ZNF148: variants seen among roughly 807,000 people sequenced by gnomAD.
ZNF148 encodes the protein zinc finger protein 148, also known as Beta-Enolase Repressor Factor-1.
Under a neutral mutation model 67.7 loss-of-function variants are expected in ZNF148, and 7 were observed. That is an observed-to-expected ratio of 0.10 (90% CI 0.06 to 0.19). The LOEUF (loss-of-function observed/expected upper bound fraction) is 0.19. ZNF148 is among the 10% of genes least tolerant of loss of function. ZNF148 has a pLI of 1.00. For synonymous variants in ZNF148, 333 were observed against 330.7 expected, an observed-to-expected ratio of 1.01 and a Z score of -0.08; for missense variants, 583 against 947.1, an observed-to-expected ratio of 0.62 and a Z score of 5.05.
chr3:125,335,644 C>T (rs529165585), intron 1 of ZNF148, among the ~76,000 whole-genome samples: 60 of 152,280 alleles, frequency 3.9e-4, no homozygotes, highest in Admixed American at 9.1e-4. Context: ...AAAAATAATG[C>T]TAGTAACAAA....
intron 1 of ZNF148, among the ~76,000 whole-genome samples, chr3:125,365,011 A>G (rs920831178): frequency 7.2e-5 from 11 of 152,196 alleles, no homozygotes; most frequent in African/African-American, 2.4e-4. Context: ...CTTGCCTATT[A>G]TCTTATTTAT....
At chr3:125,259,136 T>C (rs1015650261) in intron 7 of ZNF148, among the ~76,000 whole-genome samples, 2 of 151,976 alleles carry the variant, frequency 1.3e-5, no homozygotes, top group Admixed American at 1.3e-4. Flanking sequence ...AAATCACATA[T>C]CCAATAAATG....
intron 1 of ZNF148, among the ~76,000 whole-genome samples, chr3:125,371,377 G>C (rs866663003): frequency 1.1e-5 from 1 of 90,358 alleles, no homozygotes; most frequent in Non-Finnish European, 2.1e-5. Flanking sequence ...AAAAAAGGGG[G>C]GGGGGGGGGC....
At position 125,277,723 on chromosome 3, in the gene ZNF148, C is replaced by T. The variant is rs1401108011; in HGVS notation, c.667+3G>A. On this transcript the variant is annotated splice_donor_region_variant and intron_variant, in intron 7 of 8. Coordinates refer to ENST00000360647, the MANE Select transcript of ZNF148 (RefSeq NM_021964.3). ...GAACCTAGTAAGGGTGGTTAACACT[C>T]ACCAGTATGAATCTTCTCATGTCTC... The T allele has an allele frequency of 6.2e-7, 1 of 1,608,980 alleles. No homozygotes were observed. Among genetic ancestry groups the T allele is most frequent in the Non-Finnish European group, 8.5e-7 (1 of 1,178,154 alleles).
chr3:125,295,097 A>C (rs1579728323), intron 4 of ZNF148, among the ~76,000 whole-genome samples: 1 of 152,340 alleles, frequency 6.6e-6, no homozygotes, highest in South Asian at 2.1e-4. Context: ...TGCTTTCAAA[A>C]TAAGAAAAAA....
At chr3:125,363,694 T>C (rs957742881) in intron 1 of ZNF148, among the ~76,000 whole-genome samples, 3 of 151,922 alleles carry the variant, frequency 2.0e-5, no homozygotes, top group Non-Finnish European at 4.4e-5. Flanking sequence ...TCTCCCTCTG[T>C]CACCCAGGCT....
rs762503937 is a variant in ZNF148, at chr3:125,248,871, G to C, written c.668-14542C>G. 3.9e-5 allele frequency among the ~76,000 whole-genome samples: 6 copies of C among 152,172 alleles called. No homozygotes were observed. The East Asian group carries it at 1.2e-3, about 29-fold the overall frequency. ...TAAAAAGAATAAACAAGCACTACAG[G>C]TTCCAGGAACACGAAGTGTTCTGCT... On this transcript the variant is annotated intron_variant, in intron 7 of 8. Coordinates refer to ENST00000360647, the MANE Select transcript of ZNF148 (RefSeq NM_021964.3).
In ZNF148 at chr3:125,232,945, G is replaced by C. The variant is rs753594369; in HGVS notation, c.1781C>G (p.Ser594Cys). Residue 594 changes from serine (S) to cysteine (C), a missense_variant, in exon 9 of 9, where the codon TCC becomes TGC. Transcript: ENST00000360647. This position sits in a 1 kb window ranked among gnomAD's most constrained non-coding sequence, Gnocchi z 4.2. The part of the protein sequence containing the change: ...SENVGSSSQA[S>C]SSDKANMLQE... ...CAACATGTTGGCTTTATCTGATGAG[G>C]ATGCTTGGGAGCTTGATCCAACATT... is the stretch of plus-strand genomic sequence containing the variant. 1.9e-6 allele frequency: 3 copies of C among 1,613,852 alleles called. No individual in the cohort carries two copies. The highest frequency in any genetic ancestry group is 2.5e-6 in the Non-Finnish European group (3 of 1,179,834).
chr3:125,284,398 G>T (rs945885443), intron 5 of ZNF148, among the ~76,000 whole-genome samples: 3 of 152,088 alleles, frequency 2.0e-5, no homozygotes, highest in Non-Finnish European at 2.9e-5. Context: ...ATGTTAAGTG[G>T]CCACCCAGAT....
chr3:125,239,474 C>T (rs1323671849), intron 7 of ZNF148, among the ~76,000 whole-genome samples: 5 of 152,144 alleles, frequency 3.3e-5, no homozygotes, highest in Admixed American at 2.0e-4. Flanking sequence ...CACAAGATTT[C>T]ACTTGATTTC....
intron 3 of ZNF148, among the ~76,000 whole-genome samples, chr3:125,320,065 C>T (rs970312480): frequency 2.0e-5 from 3 of 152,176 alleles, no homozygotes; most frequent in South Asian, 4.1e-4. Context: ...ACACTTTCCA[C>T]GTTTTCTATT....
At chr3:125,263,989 A>G (rs1469935561) in intron 7 of ZNF148, among the ~76,000 whole-genome samples, 1 of 152,214 alleles carries the variant, frequency 6.6e-6, no homozygotes, top group Non-Finnish European at 1.5e-5. Flanking sequence ...CCTCCATAAA[A>G]GCCCCTAAGT....
chr3:125,248,998 C>A (rs1485975636), intron 7 of ZNF148, among the ~76,000 whole-genome samples: 2 of 152,110 alleles, frequency 1.3e-5, no homozygotes. Flanking sequence ...GCTTAAATCT[C>A]TATTCTTGTA....
rs563095377 is a variant in ZNF148, at chr3:125,310,864, C to A, written c.333+2444G>T. ...TTAAAAATTGTTGCTCTCTCCTCTGCTCGCATTTTCACTCTGCCATGCCCT... is the reference window on the plus strand; with the variant it reads ...TTAAAAATTGTTGCTCTCTCCTCTGATCGCATTTTCACTCTGCCATGCCCT... On this transcript the variant is annotated intron_variant, in intron 4 of 8. Transcript: ENST00000360647. 5.8e-5 allele frequency: 12 copies of A among 205,502 alleles called. No individual in the cohort carries two copies. In the East Asian group the frequency reaches 1.3e-3, roughly 23 times the overall value. 12.7% of individuals were successfully genotyped at this position (205,502 alleles called of 1,614,324 possible). A position where few individuals can be genotyped will look rare whatever the true frequency, so the allele number is the denominator to read the frequency against.
chr3:125,280,758 C>CAAA (rs1299591282), intron 5 of ZNF148, among the ~76,000 whole-genome samples: 55 of 93,426 alleles, frequency 5.9e-4, no homozygotes, highest in East Asian at 1.5e-3. Flanking sequence ...TTGACGAAAG[C>CAAA]AAAAAAAAAA....
chr3:125,309,683 A>G (rs1338062937), intron 4 of ZNF148, among the ~76,000 whole-genome samples: 4 of 152,220 alleles, frequency 2.6e-5, no homozygotes, highest in Non-Finnish European at 2.9e-5. Flanking sequence ...GTAATGAGGA[A>G]CCACTGGGGA....
intron 1 of ZNF148, among the ~76,000 whole-genome samples, chr3:125,335,408 T>C (rs1193002547): frequency 6.6e-6 from 1 of 152,174 alleles, no homozygotes; most frequent in Non-Finnish European, 1.5e-5. Context: ...CACATAAACC[T>C]AATAAAATGG....
At chr3:125,363,594 A>T (rs1012499152) in intron 1 of ZNF148, among the ~76,000 whole-genome samples, 3 of 151,712 alleles carry the variant, frequency 2.0e-5, no homozygotes, top group African/African-American at 7.3e-5. Context: ...GGTATTTCTT[A>T]TAGCTATCCC....
chr3:125,345,998 G>C (rs1941927924), intron 1 of ZNF148, among the ~76,000 whole-genome samples: 1 of 152,068 alleles, frequency 6.6e-6, no homozygotes, highest in Non-Finnish European at 1.5e-5. Flanking sequence ...CAGCATTACT[G>C]TTACCAACAC....
Sources: allele counts gnomAD v4.1 joint callset (sites outside exome capture counted in the v4.1 genomes callset), GRCh38; gene constraint gnomAD v4.1.1; non-coding constraint Gnocchi (gnomAD v3.1); transcripts MANE v1.5; gene names NCBI Gene and HGNC (gene_info 2026-07-23, HGNC 2026-07-21).